The following GHR variants were observed in gnomAD, a reference collection of about 807,000 sequenced individuals.
GHR encodes the protein growth hormone receptor.
GHR carries 35 observed loss-of-function variants against 67.1 expected under a neutral mutation model. The ratio of observed to expected loss-of-function variants is 0.52; its 90% CI spans 0.40 to 0.69. The LOEUF is 0.69. Among genes scored for constraint, GHR ranks in the 30% least tolerant of loss-of-function variants. The pLI is 0.00. For missense variants in GHR, 792 were observed against 764.6 expected, an observed-to-expected ratio of 1.04 and a Z score of -0.42; for synonymous variants, 272 against 269.1, an observed-to-expected ratio of 1.01 and a Z score of -0.10.
chr5:42,424,262 G>C lies in GHR; in HGVS notation c.-12+307G>C, dbSNP rs1274609249. On this transcript the variant is annotated intron_variant, in intron 1 of 9. Coordinates refer to ENST00000230882, the MANE Select transcript of GHR (RefSeq NM_000163.5). This position sits in a 1 kb window ranked among gnomAD's most constrained non-coding sequence, Gnocchi z 4.1. The stretch of plus-strand genomic sequence containing the variant: ...CGGCAGGGAGTTGCGGGCGACAGAC[G>C]AACCATCACACTCTGGCGTCTGCTC... Among the ~76,000 whole-genome samples the C allele has an allele frequency of 6.8e-6, 1 of 148,000 alleles. No homozygotes were observed. The highest frequency in any genetic ancestry group is 1.5e-5 in the Non-Finnish European group (1 of 67,230).
intron 1 of GHR, among the ~76,000 whole-genome samples, chr5:42,539,876 A>G (rs985057070): frequency 6.6e-6 from 1 of 152,168 alleles, no homozygotes; most frequent in Non-Finnish European, 1.5e-5. Flanking sequence ...AATAATAGTG[A>G]GAATGCTTCA....
intron 1 of GHR, among the ~76,000 whole-genome samples, chr5:42,474,271 G>GA (rs761466969): frequency 8.4e-6 from 1 of 118,818 alleles, no homozygotes; most frequent in African/African-American, 3.3e-5. Context: ...AAGAAAGAAA[G>GA]AAAGAAAGAA....
chr5:42,640,930 C>G (rs1477535270), intron 3 of GHR, among the ~76,000 whole-genome samples: 1 of 152,094 alleles, frequency 6.6e-6, no homozygotes, highest in Non-Finnish European at 1.5e-5. Flanking sequence ...ACTGGAGCAG[C>G]AGGTAGGGCT....
chr5:42,643,207 G>A (rs1329940840), intron 3 of GHR, among the ~76,000 whole-genome samples: 4 of 152,182 alleles, frequency 2.6e-5, no homozygotes, highest in East Asian at 1.9e-4. Flanking sequence ...CGCATTTAAC[G>A]CACCATTTCT....
rs911146337 is a variant in GHR, at chr5:42,707,727, T to G, written c.619-3480T>G. 4.0e-5 allele frequency among the ~76,000 whole-genome samples: 6 copies of G among 151,816 alleles called. No individual in the cohort carries two copies. In the East Asian group the frequency reaches 9.7e-4, roughly 25 times the overall value. On this transcript the variant is annotated intron_variant, in intron 6 of 9. Coordinates refer to ENST00000230882, the MANE Select transcript of GHR (RefSeq NM_000163.5). Reference sequence around the variant, plus strand: ...TGTGTGTGTGGCTATAATAGGCTATTTTAACCTGATAACAATTTAAGTTTC... The same window carrying G: ...TGTGTGTGTGGCTATAATAGGCTATGTTAACCTGATAACAATTTAAGTTTC...
chr5:42,563,576 C>G (rs571361240), intron 1 of GHR, among the ~76,000 whole-genome samples: 82 of 145,650 alleles, frequency 5.6e-4, no homozygotes, highest in African/African-American at 2.0e-3. Flanking sequence ...CGAGATTGCG[C>G]CACTGCAGTC....
intron 2 of GHR, among the ~76,000 whole-genome samples, chr5:42,589,034 A>C (rs1011359907): frequency 6.6e-6 from 1 of 152,226 alleles, no homozygotes; most frequent in Non-Finnish European, 1.5e-5. Context: ...TCATGAAAGG[A>C]AAGGAAGTAC....
chr5:42,477,803 A>G (rs1321373141), intron 1 of GHR, among the ~76,000 whole-genome samples: 2 of 152,160 alleles, frequency 1.3e-5, no homozygotes, highest in Non-Finnish European at 2.9e-5. Flanking sequence ...AGATGAGTAC[A>G]TTGCAAAAAT....
intron 1 of GHR, among the ~76,000 whole-genome samples, chr5:42,446,103 G>A (rs1288572911): frequency 1.3e-5 from 2 of 152,182 alleles, no homozygotes; most frequent in African/African-American, 2.4e-5. Context: ...CATATTGAAG[G>A]CCTGCATAAG....
intron 1 of GHR, among the ~76,000 whole-genome samples, chr5:42,484,701 TAG>T (rs1554011960): frequency 6.6e-6 from 1 of 152,216 alleles, no homozygotes; most frequent in Non-Finnish European, 1.5e-5. Flanking sequence ...GGCTCTTTGA[TAG>T]AGATTCAATA....
At chr5:42,491,340 TGG>T (rs1746105153) in intron 1 of GHR, among the ~76,000 whole-genome samples, 3 of 152,224 alleles carry the variant, frequency 2.0e-5, no homozygotes, top group African/African-American at 7.2e-5. Context: ...AACAAAGTGG[TGG>T]GTGTAAAACA....
intron 3 of GHR, among the ~76,000 whole-genome samples, chr5:42,643,297 A>T (rs1196163947): frequency 1.3e-5 from 2 of 152,210 alleles, no homozygotes; most frequent in East Asian, 3.8e-4. Context: ...AGAGGCTCTC[A>T]TCTGTTTGTG....
intron 1 of GHR, among the ~76,000 whole-genome samples, chr5:42,523,279 G>A (rs1017715869): frequency 6.6e-6 from 1 of 152,084 alleles, no homozygotes; most frequent in Non-Finnish European, 1.5e-5. Context: ...TCGTATACAG[G>A]TATACATCAT....
intron 3 of GHR, among the ~76,000 whole-genome samples, chr5:42,668,921 C>T (rs1315804050): frequency 6.6e-6 from 1 of 152,086 alleles, no homozygotes; most frequent in Non-Finnish European, 1.5e-5. Context: ...TAAGTCAATC[C>T]ATCATGAGTC....
intron 6 of GHR, among the ~76,000 whole-genome samples, chr5:42,700,657 A>C (rs775451617): frequency 2.6e-5 from 4 of 152,134 alleles, no homozygotes; most frequent in Non-Finnish European, 5.9e-5. Flanking sequence ...TGCTCCCAAT[A>C]TAACTAATTC....
At chr5:42,688,355 C>A (rs1308337757) in intron 3 of GHR, among the ~76,000 whole-genome samples, 2 of 152,224 alleles carry the variant, frequency 1.3e-5, no homozygotes, top group Non-Finnish European at 2.9e-5. Context: ...ATCTCTGAGG[C>A]ACCCTTCAAC....
rs147356797 is a variant in GHR, at chr5:42,466,783, A to G, written c.-12+42828A>G. On this transcript the variant is annotated intron_variant, in intron 1 of 9. Coordinates refer to ENST00000230882, the MANE Select transcript of GHR (RefSeq NM_000163.5). Reference sequence around the variant, plus strand: ...CCTGAAAACTGTAACTTTTAAGGACATAGGCCTCATCTTTATAAAGGAAGA... The same window carrying G: ...CCTGAAAACTGTAACTTTTAAGGACGTAGGCCTCATCTTTATAAAGGAAGA... 33 of 712,012 alleles carry G rather than the reference A, an allele frequency of 4.6e-5. No homozygotes were observed. The East Asian group carries it at 8.1e-4, about 18-fold the overall frequency. 44.1% of individuals were successfully genotyped at this position (712,012 alleles called of 1,614,324 possible).
intron 2 of GHR, among the ~76,000 whole-genome samples, chr5:42,572,142 G>C (rs535096830): frequency 6.6e-6 from 1 of 152,304 alleles, no homozygotes; most frequent in South Asian, 2.1e-4. Flanking sequence ...ATTACTGAGA[G>C]TTGGTTCCTT....
At chr5:42,432,789 A>G (rs554270730) in intron 1 of GHR, among the ~76,000 whole-genome samples, 1 of 152,348 alleles carries the variant, frequency 6.6e-6, no homozygotes, top group South Asian at 2.1e-4. Context: ...AAGAAGAACT[A>G]CTACTTTCAT....
Sources: gnomAD v4.1 joint callset for allele counts (sites outside exome capture counted in the v4.1 genomes callset) on GRCh38, gnomAD v4.1.1 for gene constraint, Gnocchi (gnomAD v3.1) non-coding constraint, MANE v1.5 for transcripts, NCBI Gene and HGNC (gene_info 2026-07-23, HGNC 2026-07-21) for gene names.